GEMIN5: variants seen among roughly 807,000 people sequenced by gnomAD.
The protein encoded by GEMIN5 is gem-associated protein 5.
In GEMIN5, 124 loss-of-function variants were observed where a neutral mutation model predicts 176.9. That is an observed-to-expected ratio of 0.70 (90% CI 0.61 to 0.81). GEMIN5 has a LOEUF of 0.81. Among genes scored for constraint, GEMIN5 ranks in the 40% least tolerant of loss-of-function variants. The probability of loss-of-function intolerance (pLI) is 0.00; values close to 1 mark genes in which losing one functional copy is unlikely to be tolerated. For missense variants in GEMIN5, 1,843 were observed against 1,814.6 expected (o/e 1.02, Z -0.28); for synonymous variants, 673 against 665.2 (o/e 1.01, Z -0.18).
chr5:154,912,826 A>C, intron 14 of GEMIN5, 73 bp downstream of exon 14: 1 of 1,346,970 alleles, frequency 7.4e-7, no homozygotes, highest in African/African-American at 1.4e-5. Context: ...CCTGTTCACA[A>C]CTGGGGGAAA....
chr5:154,922,733 G>C (rs1435883639), intron 9 of GEMIN5, among the ~76,000 whole-genome samples: 2 of 129,594 alleles, frequency 1.5e-5, no homozygotes, highest in African/African-American at 3.0e-5. Context: ...GTCTTGCTCT[G>C]TTGCCCAGGC....
At chr5:154,913,183 G>A (rs955266870) in intron 13 of GEMIN5, 145 bp from the exon 14 acceptor site, 6 of 653,626 alleles carry the variant, frequency 9.2e-6, no homozygotes, top group East Asian at 6.1e-5. Context: ...ATGGAGTTTC[G>A]CTCTTGTTGC....
At chr5:154,913,088 A>G in intron 13 of GEMIN5, 50 bp from the exon 14 acceptor site, 1 of 1,506,296 alleles carries the variant, frequency 6.6e-7, no homozygotes, top group Non-Finnish European at 9.1e-7. Context: ...ATAACAAAAA[A>G]CAAAACAAAG....
intron 3 of GEMIN5, 91 bp downstream of exon 3, chr5:154,935,750 T>G: frequency 1.1e-6 from 1 of 879,354 alleles, no homozygotes; most frequent in Non-Finnish European, 1.8e-6. Context: ...ATGGTTTCCT[T>G]TGAGGAATAA....
chr5:154,922,697 G>GTTTTT (rs941015595), intron 9 of GEMIN5, among the ~76,000 whole-genome samples: 1 of 135,338 alleles, frequency 7.4e-6, no homozygotes, highest in Non-Finnish European at 1.6e-5. Context: ...CTTTAAAACA[G>GTTTTT]TTTTTTTTTT....
rs1763598863 is a variant in GEMIN5 at position 154,907,713 on chromosome 5, A to G, written c.2273T>C (p.Ile758Thr). Residue 758 changes from isoleucine (I) to threonine (T), a missense_variant, in exon 16 of 28, where the codon ATT (isoleucine) becomes ACT (threonine). Transcript: ENST00000285873. ...CATGCTTTCTTCTTCATTTCCATCA[A>G]TCGATTCCAGCTTTACAGGAGTTCT... is the stretch of plus-strand genomic sequence containing the variant. ...TLRTPVKLESIDGNEEESMKE... is the reference protein window; with the variant it reads ...TLRTPVKLESTDGNEEESMKE... 1 of 1,613,818 alleles carries G rather than the reference A, an allele frequency of 6.2e-7. No individual in the cohort carries two copies.
At chr5:154,924,399 T>C in intron 9 of GEMIN5, 70 bp downstream of exon 9, 1 of 844,800 alleles carries the variant, frequency 1.2e-6, no homozygotes, top group Non-Finnish European at 2.0e-6. Flanking sequence ...TGAGGGATTA[T>C]TCTAGAGCAG....
chr5:154,893,565 T>A (rs1763284667), intron 24 of GEMIN5, among the ~76,000 whole-genome samples: 1 of 152,250 alleles, frequency 6.6e-6, no homozygotes, highest in African/African-American at 2.4e-5. Context: ...AACATTTTCA[T>A]CAACTGAAGA....
intron 12 of GEMIN5, 125 bp from the exon 13 acceptor site, chr5:154,917,304 T>G (rs1018423557): frequency 6.5e-6 from 3 of 460,044 alleles, no homozygotes; most frequent in Non-Finnish European, 1.2e-5. Context: ...ACCCTTTCTA[T>G]CACTGCAAAG....
At chr5:154,912,383 A>T (rs1048199002) in intron 14 of GEMIN5, among the ~76,000 whole-genome samples, 1 of 152,216 alleles carries the variant, frequency 6.6e-6, no homozygotes, top group Non-Finnish European at 1.5e-5. Flanking sequence ...CTTTGTGCAG[A>T]CATCTCAATT....
In GEMIN5 at chr5:154,917,139, A is replaced by G; in HGVS notation, c.1714T>C (p.Cys572Arg). The G allele has an allele frequency of 6.5e-7, 1 of 1,549,036 alleles. No individual in the cohort carries two copies. Among genetic ancestry groups the G allele is most frequent in the East Asian group, 2.3e-5 (1 of 42,912 alleles). ...IFQIPNLKLI[C>R]TIQQHHKLVN... Reference sequence around the variant, plus strand: ...AGCTTGTGATGCTGTTGGATAGTACAGATCAGTTTCAGGTTGGGAATCTGA... The same window carrying G: ...AGCTTGTGATGCTGTTGGATAGTACGGATCAGTTTCAGGTTGGGAATCTGA... Residue 572 changes from cysteine to arginine, a missense_variant, in exon 13 of 28, where the codon TGT (cysteine) becomes CGT (arginine). Physicochemically the swap from Cys to Arg is radical, Grantham distance 180 (BLOSUM62 -3). Transcript: ENST00000285873.
intron 2 of GEMIN5, 106 bp from the exon 3 acceptor site, chr5:154,936,128 T>C (rs1400774119): frequency 1.4e-6 from 1 of 733,636 alleles, no homozygotes; most frequent in African/African-American, 1.8e-5. Flanking sequence ...TTAAAAGTAA[T>C]TAATACGGCC....
Position 154,932,357 on chromosome 5 carries a change from T to C in GEMIN5, c.510-107A>G, listed in dbSNP as rs1764186764. 3 of 780,328 alleles carry C rather than the reference T, an allele frequency of 3.8e-6. No homozygotes were observed. The South Asian group carries it at 5.2e-5, about 13-fold the overall frequency. 48.3% of individuals were successfully genotyped at this position (780,328 alleles called of 1,614,324 possible). ...CATTGGCGCATTCCTTAAAGTTAGGTGCATTTGGGGTGGCGGAGGAGGGAA... is the reference window on the plus strand; with the variant it reads ...CATTGGCGCATTCCTTAAAGTTAGGCGCATTTGGGGTGGCGGAGGAGGGAA... On this transcript the variant is annotated intron_variant, in intron 3 of 27. Transcript: ENST00000285873.
chr5:154,918,362 T>C (rs1447801091), intron 11 of GEMIN5, among the ~76,000 whole-genome samples: 1 of 152,210 alleles, frequency 6.6e-6, no homozygotes, highest in Non-Finnish European at 1.5e-5. Flanking sequence ...TTGTTTTCTA[T>C]CCCTTCAAAG....
At chr5:154,889,574 T>C (rs893437961) in intron 26 of GEMIN5, among the ~76,000 whole-genome samples, 157 bp from the exon 27 acceptor site, 7 of 152,238 alleles carry the variant, frequency 4.6e-5, no homozygotes, top group African/African-American at 1.7e-4. Flanking sequence ...AAATTCATAA[T>C]GTGGTGAAAA....
chr5:154,912,431 A>C (rs892447728), intron 14 of GEMIN5, among the ~76,000 whole-genome samples: 1 of 152,244 alleles, frequency 6.6e-6, no homozygotes, highest in Admixed American at 6.5e-5. Context: ...ACAGATGTTA[A>C]GTCCCCAGCT....
intron 23 of GEMIN5, among the ~76,000 whole-genome samples, chr5:154,897,529 G>A (rs982406595): frequency 3.3e-5 from 5 of 152,082 alleles, no homozygotes; most frequent in African/African-American, 7.2e-5. Context: ...ACTCTGTCAC[G>A]TAGGCTGCAG....
At chr5:154,913,726 T>A (rs1352888126) in intron 13 of GEMIN5, among the ~76,000 whole-genome samples, 1 of 151,560 alleles carries the variant, frequency 6.6e-6, no homozygotes, top group South Asian at 2.1e-4. Context: ...CTGAGATGGG[T>A]GGACTGCTTG....
intron 11 of GEMIN5, among the ~76,000 whole-genome samples, chr5:154,919,671 T>TA (rs1763882894): frequency 6.6e-6 from 1 of 152,250 alleles, no homozygotes; most frequent in African/African-American, 2.4e-5. Context: ...CCTGAAAGTT[T>TA]ATAATAAATC....
Sources: gnomAD v4.1 joint callset for allele counts (sites outside exome capture counted in the v4.1 genomes callset) on GRCh38, gnomAD v4.1.1 for gene constraint, MANE v1.5 for transcripts, NCBI Gene and HGNC (gene_info 2026-07-23, HGNC 2026-07-21) for gene names.